Variants in FBXL17 observed in about 807,000 individuals in gnomAD.
FBXL17 encodes F-box and leucine rich repeat protein 17.
In FBXL17, 22 loss-of-function variants were observed where a neutral mutation model predicts 66.2. That is an observed-to-expected ratio of 0.33 (90% CI 0.24 to 0.47). FBXL17 has a LOEUF of 0.47. Among genes scored for constraint, FBXL17 ranks in the 20% least tolerant of loss-of-function variants. FBXL17 has a pLI of 1.00. For missense variants in FBXL17, 878 were observed against 948.2 expected (o/e 0.93, Z 0.97); for synonymous variants, 474 against 400.5 (o/e 1.18, Z -2.19).
chr5:107,963,812 CAAAT>C (rs946418257), intron 7 of FBXL17, among the ~76,000 whole-genome samples: 8 of 151,750 alleles, frequency 5.3e-5, no homozygotes, highest in African/African-American at 1.7e-4. Flanking sequence ...TTCAGAGAAA[CAAAT>C]AAACAATTTT....
chr5:108,325,054 T>C (rs1199222983), intron 4 of FBXL17, among the ~76,000 whole-genome samples: 3 of 152,046 alleles, frequency 2.0e-5, no homozygotes, highest in Non-Finnish European at 4.4e-5. Context: ...GGAAAAGCAG[T>C]GTATTGTTGT....
intron 7 of FBXL17, among the ~76,000 whole-genome samples, chr5:107,971,176 T>C (rs2112649455): frequency 6.6e-6 from 1 of 152,268 alleles, no homozygotes; most frequent in Admixed American, 6.5e-5. Flanking sequence ...CATGGAAAAC[T>C]TCACCAGGCA....
chr5:108,210,574 T>C (rs538956032), intron 5 of FBXL17, among the ~76,000 whole-genome samples: 1 of 152,346 alleles, frequency 6.6e-6, no homozygotes, highest in African/African-American at 2.4e-5. Flanking sequence ...ATTTACCCAG[T>C]AGTCATTCAG....
chr5:108,142,569 A>AT (rs1027083704), intron 6 of FBXL17, among the ~76,000 whole-genome samples: 1 of 152,112 alleles, frequency 6.6e-6, no homozygotes, highest in Non-Finnish European at 1.5e-5. Context: ...TTGCTAACTG[A>AT]TTTTTTCGCC....
At chr5:108,083,230 C>T (rs1220049217) in intron 6 of FBXL17, among the ~76,000 whole-genome samples, 1 of 132,352 alleles carries the variant, frequency 7.6e-6, no homozygotes, top group East Asian at 2.2e-4. Context: ...CACACACACA[C>T]ACACACACAC....
intron 6 of FBXL17, among the ~76,000 whole-genome samples, chr5:108,050,807 A>G (rs992987592): frequency 1.3e-5 from 2 of 152,186 alleles, no homozygotes; most frequent in African/African-American, 2.4e-5. Context: ...ATAGACTGCT[A>G]GCTAGACTAA....
chr5:108,032,390 C>T lies in FBXL17; in HGVS notation c.1746-11389G>A, dbSNP rs554180756. Among the ~76,000 whole-genome samples, 36 of 152,200 alleles carry T rather than the reference C, an allele frequency of 2.4e-4. No individual in the cohort carries two copies. The South Asian group carries it at 7.3e-3, about 31-fold the overall frequency. On this transcript the variant is annotated intron_variant, in intron 6 of 8. Transcript: ENST00000542267. Reference sequence around the variant, plus strand: ...CTGTAGTAGGCCGAACGGTGACCCCCAAGGACATCAGGTCCTAATTCACAG... The same window carrying T: ...CTGTAGTAGGCCGAACGGTGACCCCTAAGGACATCAGGTCCTAATTCACAG...
At chr5:108,047,305 C>T in intron 6 of FBXL17, among the ~76,000 whole-genome samples, 1 of 152,180 alleles carries the variant, frequency 6.6e-6, no homozygotes, top group South Asian at 2.1e-4. Flanking sequence ...AACTGTGCAA[C>T]CCACAGATCA....
intron 5 of FBXL17, among the ~76,000 whole-genome samples, chr5:108,205,171 C>A (rs1401742411): frequency 1.3e-5 from 2 of 152,078 alleles, no homozygotes; most frequent in Non-Finnish European, 2.9e-5. Flanking sequence ...CTTCAGCATG[C>A]CAAGCATCTG....
chr5:108,136,303 C>T (rs1751130183), intron 6 of FBXL17, among the ~76,000 whole-genome samples: 1 of 151,952 alleles, frequency 6.6e-6, no homozygotes, highest in Admixed American at 6.6e-5. Context: ...CCTTTATTCT[C>T]ACAAAAAAGG....
intron 4 of FBXL17, chr5:108,302,178 G>A (rs1337650904): frequency 5.2e-6 from 1 of 192,818 alleles, no homozygotes; most frequent in East Asian, 1.9e-4. Context: ...GATAAACAAA[G>A]TTTACACTAA....
chr5:107,939,380 C>G (rs1013550682), intron 7 of FBXL17, among the ~76,000 whole-genome samples: 3 of 152,036 alleles, frequency 2.0e-5, no homozygotes, highest in Non-Finnish European at 4.4e-5. Context: ...AAATAAGTGA[C>G]CTCTTTATTT....
chr5:108,347,090 T>C (rs1747329201), intron 4 of FBXL17, among the ~76,000 whole-genome samples: 1 of 152,174 alleles, frequency 6.6e-6, no homozygotes, highest in Non-Finnish European at 1.5e-5. Context: ...GAAAATGTTA[T>C]GAGAAATGTG....
intron 7 of FBXL17, among the ~76,000 whole-genome samples, chr5:107,918,932 C>T (rs1209336622): frequency 6.6e-6 from 1 of 152,140 alleles, no homozygotes; most frequent in Non-Finnish European, 1.5e-5. Context: ...TTAATCTTAA[C>T]CCTCTCTTGG....
intron 6 of FBXL17, among the ~76,000 whole-genome samples, chr5:108,154,820 C>G (rs887994516): frequency 6.0e-5 from 9 of 151,128 alleles, no homozygotes; most frequent in Admixed American, 2.0e-4. Flanking sequence ...CCTGAACAGA[C>G]CAATGAACAC....
At chr5:107,892,454 G>C (rs1749227998) in intron 7 of FBXL17, among the ~76,000 whole-genome samples, 1 of 152,008 alleles carries the variant, frequency 6.6e-6, no homozygotes, top group African/African-American at 2.4e-5. Context: ...ACATGTTTGT[G>C]TATTTAAAAT....
At chr5:108,239,931 G>T (rs1336827666) in intron 4 of FBXL17, among the ~76,000 whole-genome samples, 2 of 152,046 alleles carry the variant, frequency 1.3e-5, no homozygotes, top group African/African-American at 4.8e-5. Context: ...CTAGATCCTG[G>T]ATGACATGTC....
chr5:108,081,308 G>A (rs73208848), intron 6 of FBXL17, among the ~76,000 whole-genome samples: 1 of 152,150 alleles, frequency 6.6e-6, no homozygotes, highest in Non-Finnish European at 1.5e-5. Flanking sequence ...TGGCGGAAAG[G>A]AAGGATCGAT....
intron 6 of FBXL17, among the ~76,000 whole-genome samples, chr5:108,139,360 T>C (rs998358944): frequency 6.6e-6 from 1 of 152,260 alleles, no homozygotes; most frequent in African/African-American, 2.4e-5. Flanking sequence ...TCTGAATTTA[T>C]GAAATTTGAT....
Sources: gnomAD v4.1 joint callset for allele counts (sites outside exome capture counted in the v4.1 genomes callset) on GRCh38, gnomAD v4.1.1 for gene constraint, MANE v1.5 for transcripts, NCBI Gene and HGNC (gene_info 2026-07-23, HGNC 2026-07-21) for gene names.